Variants in TUT7 observed in about 807,000 individuals in gnomAD.
TUT7 encodes terminal uridylyl transferase 7.
A neutral mutation model predicts 165.9 loss-of-function variants in TUT7; 33 were observed. The observed-to-expected ratio is 0.20, with a 90% confidence interval of 0.15 to 0.27. The LOEUF (loss-of-function observed/expected upper bound fraction) is 0.27, where lower values mean the gene tolerates loss of function less well. Ranked by LOEUF, TUT7 falls within the 10% of genes least tolerant of loss-of-function variation. TUT7 has a pLI of 1.00. For synonymous variants in TUT7, 552 were observed against 608.1 expected (o/e 0.91, Z 1.36); for missense variants, 1,338 against 1,762.3 (o/e 0.76, Z 4.31).
chr9:86,317,453 C>T (rs755712444), intron 16 of TUT7, among the ~76,000 whole-genome samples, 177 bp from the exon 17 acceptor site: 3 of 152,092 alleles, frequency 2.0e-5, no homozygotes, highest in Non-Finnish European at 2.9e-5. Flanking sequence ...CCTGACGGTA[C>T]AAAAACCACT....
intron 8 of TUT7, 110 bp from the exon 9 acceptor site, chr9:86,339,059 T>A (rs1831091580): frequency 2.0e-6 from 2 of 1,015,440 alleles, no homozygotes; most frequent in East Asian, 6.6e-5. Flanking sequence ...AATAAATACT[T>A]CAAAAATAAA....
intron 26 of TUT7, among the ~76,000 whole-genome samples, chr9:86,297,286 G>A (rs1413868785): frequency 6.6e-6 from 1 of 152,054 alleles, no homozygotes; most frequent in African/African-American, 2.4e-5. Flanking sequence ...ATATGCAGGC[G>A]CTGTTCTAAG....
rs529118351 is a variant in TUT7, at chr9:86,344,663, G to A, written c.997+314C>T. 4.0e-5 allele frequency among the ~76,000 whole-genome samples: 6 copies of A among 151,140 alleles called. No homozygotes were observed. The East Asian group carries it at 9.7e-4, about 24-fold the overall frequency. ...TCTCTTGATTTTAACTCAAAATATG[G>A]TGTCAATTTAGATGAGCGGAAAGGG... On this transcript the variant is annotated intron_variant, in intron 5 of 26. Transcript: ENST00000375963.
At chr9:86,319,958 G>A (rs1447575774) in intron 14 of TUT7, among the ~76,000 whole-genome samples, 1 of 152,024 alleles carries the variant, frequency 6.6e-6, no homozygotes, top group East Asian at 1.9e-4. Context: ...TCAGCCTCCC[G>A]AGTAGCTGGG....
Position 86,301,393 on chromosome 9 carries a change from G to A in TUT7, c.4303C>T (p.Pro1435Ser). 6.2e-7 allele frequency: 1 copy of A among 1,614,028 alleles called. No homozygotes were observed. The highest frequency in any genetic ancestry group is 1.1e-5 in the South Asian group (1 of 91,078). ...ADLGREKILR[P>S]PVEKWKRQDD... Reference sequence around the variant, plus strand: ...TGTCTCTTCCATTTTTCTACTGGTGGCCTGAGGATCTTCTCCCTCCCCAGG... The same window carrying A: ...TGTCTCTTCCATTTTTCTACTGGTGACCTGAGGATCTTCTCCCTCCCCAGG... The change falls in exon 26 of 27, where the codon CCA becomes TCA. Residue 1435 changes from proline to serine, a missense_variant. By Grantham distance (74) the Pro-to-Ser change is moderately conservative. Around this residue, in one of 7 missense-constraint regions of TUT7, gnomAD observed 167 missense variants for 204.9 expected, o/e 0.82. Transcript: ENST00000375963.
chr9:86,353,955 C>G (rs953278552), intron 1 of TUT7, among the ~76,000 whole-genome samples: 13 of 152,200 alleles, frequency 8.5e-5, no homozygotes, highest in African/African-American at 3.1e-4. Flanking sequence ...GCTCCACCAC[C>G]GATCTGCCTT....
chr9:86,325,290 T>TA (rs770253847), intron 12 of TUT7, 44 bp downstream of exon 12: 76 of 1,574,982 alleles, frequency 4.8e-5, no homozygotes, highest in South Asian at 2.7e-4. Flanking sequence ...CTGGTACCTT[T>TA]AAAAAAAAGA....
intron 6 of TUT7, 58 bp from the exon 7 acceptor site, chr9:86,341,111 T>C: frequency 1.4e-6 from 2 of 1,442,850 alleles, no homozygotes; most frequent in Non-Finnish European, 1.9e-6. Context: ...GCTTCACTGA[T>C]ATAAGAGTCA....
At chr9:86,314,690 C>T (rs1287502838) in intron 17 of TUT7, among the ~76,000 whole-genome samples, 1 of 152,162 alleles carries the variant, frequency 6.6e-6, no homozygotes, top group Non-Finnish European at 1.5e-5. Context: ...TACATTATAC[C>T]TTCCCTAAAA....
intron 13 of TUT7, 141 bp from the exon 14 acceptor site, chr9:86,322,616 A>C (rs984387923): frequency 9.1e-7 from 1 of 1,103,850 alleles, no homozygotes; most frequent in Non-Finnish European, 1.3e-6. Flanking sequence ...CACTCAAATG[A>C]TCTGAGAGAT....
At position 86,338,931 on chromosome 9, in the gene TUT7, C is replaced by T; in HGVS notation, c.1227G>A (p.Val409=). The T allele has an allele frequency of 2.5e-6, 4 of 1,607,350 alleles. No individual in the cohort carries two copies. Among genetic ancestry groups the T allele is most frequent in the Non-Finnish European group, 3.4e-6 (4 of 1,176,766 alleles). Residue 409 remains valine (V), a synonymous_variant, in exon 9 of 27, where the codon GTG becomes GTA. Coordinates refer to ENST00000375963, the MANE Select transcript of TUT7 (RefSeq NM_024617.4). ...GACAAGCATTTTCATTTCCTGCGCT[C>T]ACTTTACACAGAAGACCACTGGTGA... ...REKQSGLLCK[V]SAGNENACLT... is the part of the protein sequence containing the mutation.
intron 8 of TUT7, 46 bp downstream of exon 8, chr9:86,339,990 T>A: frequency 6.8e-7 from 1 of 1,475,946 alleles, no homozygotes; most frequent in East Asian, 2.3e-5. Context: ...ACTTGTGCTT[T>A]TGGCAAGTTG....
At chr9:86,289,798 TAGAA>T (rs759865431) in intron 26 of TUT7, among the ~76,000 whole-genome samples, 49 of 152,222 alleles carry the variant, frequency 3.2e-4, no homozygotes, top group Middle Eastern at 3.4e-3. Flanking sequence ...GCCAAATTAT[TAGAA>T]GGAAGAAGAT....
At chr9:86,319,727 A>G (rs1261891388) in intron 14 of TUT7, 57 bp from the exon 15 acceptor site, 1 of 1,161,500 alleles carries the variant, frequency 8.6e-7, no homozygotes, top group East Asian at 2.5e-5. Context: ...CTCTTAGAAA[A>G]AGCTGAAAAA....
intron 2 of TUT7, among the ~76,000 whole-genome samples, chr9:86,347,179 A>G (rs1831849108): frequency 6.6e-6 from 1 of 152,210 alleles, no homozygotes; most frequent in Admixed American, 6.5e-5. Flanking sequence ...TACACTGAGC[A>G]TATTTCAAAG....
At chr9:86,300,209 T>A (rs1826752031) in intron 26 of TUT7, among the ~76,000 whole-genome samples, 1 of 152,196 alleles carries the variant, frequency 6.6e-6, no homozygotes. Context: ...AGTATTTTGA[T>A]CTTTTCATAT....
chr9:86,341,966 G>A (rs1427769715), intron 6 of TUT7, among the ~76,000 whole-genome samples: 5 of 152,128 alleles, frequency 3.3e-5, no homozygotes, highest in African/African-American at 1.2e-4. Context: ...AACCTAGTAT[G>A]TCTGCCATAC....
Position 86,291,857 on chromosome 9 carries a change from A to G in TUT7, c.4421-3113T>C, listed in dbSNP as rs1303333875. ...TGACTTGTAGACACACAAACCCTAA[A>G]GAATCTCTCATACATGCTCAAGGGG... On this transcript the variant is annotated intron_variant, in intron 26 of 26. Transcript: ENST00000375963. Among the ~76,000 whole-genome samples, 3 of 152,340 alleles carry G rather than the reference A, an allele frequency of 2.0e-5. No individual in the cohort carries two copies. In the South Asian group the frequency reaches 6.2e-4, roughly 32 times the overall value.
rs1283158066 is a variant in TUT7 at position 86,322,570 on chromosome 9, T to A, written c.2878-95A>T. 2.1e-6 allele frequency: 3 copies of A among 1,439,136 alleles called. No homozygotes were observed. In the African/African-American group the frequency reaches 4.3e-5, roughly 21 times the overall value. The allele number at this position is 1,439,136 out of a possible 1,614,324, so 89.1% of individuals were successfully genotyped here. A position where few individuals can be genotyped will look rare whatever the true frequency, so the allele number is the denominator to read the frequency against. On this transcript the variant is annotated intron_variant, in intron 13 of 26. Coordinates refer to ENST00000375963, the MANE Select transcript of TUT7 (RefSeq NM_024617.4). The stretch of plus-strand genomic sequence containing the variant: ...GTTTTAAAAGTACACAGTCACCTAT[T>A]CACTTTCCAAAGGAAATGAAAATAT...
Sources: gnomAD v4.1 joint callset for allele counts (sites outside exome capture counted in the v4.1 genomes callset) on GRCh38, gnomAD v4.1.1 for gene constraint, gnomAD v4.1.1 regional missense constraint, MANE v1.5 for transcripts, NCBI Gene and HGNC (gene_info 2026-07-23, HGNC 2026-07-21) for gene names.